The following RDX variants were observed in gnomAD, a reference collection of about 807,000 sequenced individuals.
RDX encodes the protein deafness, autosomal recessive 24.
In RDX, 32 loss-of-function variants were observed where a neutral mutation model predicts 83.7. That is an observed-to-expected ratio of 0.38 (90% CI 0.29 to 0.51). The LOEUF (loss-of-function observed/expected upper bound fraction) is 0.51. Among genes scored for constraint, RDX ranks in the 20% least tolerant of loss-of-function variants. The probability of loss-of-function intolerance (pLI) is 0.87; values close to 1 mark genes in which losing one functional copy is unlikely to be tolerated. For missense variants in RDX, 600 were observed against 689.9 expected (o/e 0.87, Z 1.46); for synonymous variants, 229 against 222.7 (o/e 1.03, Z -0.25).
At chr11:110,258,338 T>A (rs1414898018) in intron 5 of RDX, 149 bp from the exon 6 acceptor site, 1 of 611,724 alleles carries the variant, frequency 1.6e-6, no homozygotes, top group African/African-American at 1.8e-5. Flanking sequence ...CTAAATTACA[T>A]ACACACAGAA....
rs774125184 is a variant in RDX at position 110,264,044 on chromosome 11, T to C, written c.383A>G (p.Tyr128Cys). The C allele has an allele frequency of 6.8e-6, 11 of 1,613,334 alleles. No homozygotes were observed. The highest frequency in any genetic ancestry group is 8.5e-6 in the Non-Finnish European group (10 of 1,179,436). ...PPETAVLLAS[Y>C]AVQAKYGDYN... is the part of the protein sequence containing the mutation. ...ATCTCCATACTTGGCTTGGACAGCA[T>C]AGGAAGCCAAAAGAACTGCAGTTTC... Residue 128 changes from tyrosine (Y) to cysteine (C), a missense_variant, in exon 5 of 14, where the codon TAT becomes TGT. Coordinates refer to ENST00000645495, the MANE Select transcript of RDX (RefSeq NM_002906.4).
Position 110,230,867 on chromosome 11 carries a change from C to T in RDX, c.*1002G>A, listed in dbSNP as rs992146749. The stretch of plus-strand genomic sequence containing the variant: ...ACACACTCCATTGTGTTTGAACAAC[C>T]AGTCATCACAGATGTAGTAGTGAGG... On this transcript the variant is annotated 3_prime_UTR_variant, in exon 14 of 14. Coordinates refer to ENST00000645495, the MANE Select transcript of RDX (RefSeq NM_002906.4). The T allele has an allele frequency of 6.6e-6, 1 of 152,556 alleles. No homozygotes were observed. Among genetic ancestry groups the T allele is most frequent in the Non-Finnish European group, 1.5e-5 (1 of 68,020 alleles). The allele number at this position is 152,556 out of a possible 1,614,324, so 9.5% of individuals were successfully genotyped here.
intron 10 of RDX, among the ~76,000 whole-genome samples, chr11:110,244,363 C>CAAAAAAAAAAAAAAAAAAAAAAAAAAA (rs71053874): frequency 1.9e-5 from 1 of 51,292 alleles, no homozygotes. Flanking sequence ...GATTCTGGCT[C>CAAAAAAAAAAAAAAAAAAAAAAAAAAA]AAAAAAAAAA....
At chr11:110,233,547 A>ACT in intron 12 of RDX, 68 bp from the exon 13 acceptor site, 2 of 1,521,492 alleles carry the variant, frequency 1.3e-6, no homozygotes, top group Non-Finnish European at 1.8e-6. Context: ...ATCAAGTTAT[A>ACT]CTCCCTTTTT....
intron 14 of RDX, among the ~76,000 whole-genome samples, chr11:110,201,177 C>CAAAAAAAAAAAAAAAAAAAAAAAAAAAA: frequency 1.2e-5 from 1 of 82,030 alleles, no homozygotes; most frequent in Non-Finnish European, 2.3e-5. Context: ...ACTCCCGTCT[C>CAAAAAAAAAAAAAAAAAAAAAAAAAAAA]AAAAAAAAAA....
At chr11:110,214,890 T>C (rs899612386) in intron 14 of RDX, among the ~76,000 whole-genome samples, 154 of 147,476 alleles carry the variant, frequency 1.0e-3, no homozygotes, top group Middle Eastern at 3.6e-3. Flanking sequence ...TACCTAATGC[T>C]AGATGACAAG....
chr11:110,251,235 A>G (rs1859326289), intron 9 of RDX, among the ~76,000 whole-genome samples: 1 of 152,224 alleles, frequency 6.6e-6, no homozygotes, highest in African/African-American at 2.4e-5. Flanking sequence ...ATAAACTATT[A>G]TTCCTTGTAT....
chr11:110,227,204 T>C (rs972187351), downstream of RDX, among the ~76,000 whole-genome samples: 10 of 152,144 alleles, frequency 6.6e-5, no homozygotes, highest in African/African-American at 1.4e-4. Context: ...AGGGATATCA[T>C]AGCATATATT....
At chr11:110,236,296 AG>A in intron 11 of RDX, 105 bp from the exon 12 acceptor site, 1 of 810,182 alleles carries the variant, frequency 1.2e-6, no homozygotes, top group Non-Finnish European at 2.0e-6. Flanking sequence ...TGTTTTTCTT[AG>A]CCTTCCATTT....
intron 14 of RDX, among the ~76,000 whole-genome samples, chr11:110,222,009 TGTATA>T (rs1337944547): frequency 7.9e-6 from 1 of 125,938 alleles, no homozygotes; most frequent in African/African-American, 2.8e-5. Flanking sequence ...TGAATGCAAA[TGTATA>T]TTATGTCTAT....
At chr11:110,177,584 T>TCACCTTTGTCC (rs1177920618) in intron 15 of RDX, among the ~76,000 whole-genome samples, 13 of 152,180 alleles carry the variant, frequency 8.5e-5, no homozygotes, top group African/African-American at 2.9e-4. Context: ...CACCTTTGCC[T>TCACCTTTGTCC]CACCTTTGTC....
At chr11:110,200,044 T>G (rs148981342) in intron 14 of RDX, among the ~76,000 whole-genome samples, 50 of 152,318 alleles carry the variant, frequency 3.3e-4, no homozygotes, top group African/African-American at 1.1e-3. Context: ...AATCAGAACT[T>G]CATGTCATTC....
At chr11:110,288,250 T>C (rs1861067173) in intron 1 of RDX, 1 of 152,190 alleles carries the variant, frequency 6.6e-6, no homozygotes, top group South Asian at 2.1e-4. Context: ...ACTGCAATAT[T>C]AACACCAAAG....
At chr11:110,181,841 GA>G (rs34758357) in intron 15 of RDX, 2 of 151,954 alleles carry the variant, frequency 1.3e-5, no homozygotes, top group African/African-American at 2.4e-5. Context: ...GCAGTGGCCT[GA>G]AAAAAAAGGG....
At chr11:110,206,614 T>C (rs898204839) in intron 14 of RDX, among the ~76,000 whole-genome samples, 2 of 152,236 alleles carry the variant, frequency 1.3e-5, no homozygotes, top group Non-Finnish European at 2.9e-5. Context: ...ATCTAATATA[T>C]ATACATATAT....
chr11:110,216,578 A>G (rs1864062979), intron 14 of RDX, among the ~76,000 whole-genome samples: 1 of 145,320 alleles, frequency 6.9e-6, no homozygotes, highest in Non-Finnish European at 1.5e-5. Flanking sequence ...AGGTCTCACT[A>G]TGTCGCCCAG....
At chr11:110,181,934 T>A (rs1017105190) in intron 15 of RDX, 1 of 152,124 alleles carries the variant, frequency 6.6e-6, no homozygotes, top group Non-Finnish European at 1.5e-5. Flanking sequence ...CTCCATCAAC[T>A]CCTGATGACT....
intron 12 of RDX, 140 bp from the exon 13 acceptor site, chr11:110,233,619 A>G: frequency 1.2e-6 from 1 of 847,812 alleles, no homozygotes; most frequent in Non-Finnish European, 1.8e-6. Context: ...CTATTTTCAT[A>G]AAAGAATGTC....
At chr11:110,289,386 G>C (rs2134448035) in intron 1 of RDX, among the ~76,000 whole-genome samples, 1 of 152,098 alleles carries the variant, frequency 6.6e-6, no homozygotes, top group Admixed American at 6.5e-5. Context: ...AATGATAACT[G>C]TAATTACCAT....
Sources: allele counts gnomAD v4.1 joint callset (sites outside exome capture counted in the v4.1 genomes callset), GRCh38; gene constraint gnomAD v4.1.1; transcripts MANE v1.5; gene names NCBI Gene and HGNC (gene_info 2026-07-23, HGNC 2026-07-21).